MALRD1: variants seen among roughly 807,000 people sequenced by gnomAD.
The protein encoded by MALRD1 is MAM and LDL-receptor class A domain-containing protein 1.
A neutral mutation model predicts 242.1 loss-of-function variants in MALRD1; 247 were observed. The observed-to-expected ratio is 1.02, with a 90% CI of 0.92 to 1.13. MALRD1 has a LOEUF of 1.13. Ranked by LOEUF, MALRD1 falls within the 50% of genes most tolerant of loss-of-function variation. The pLI is 0.00. For missense variants in MALRD1, 2,989 were observed against 2,533.1 expected, an observed-to-expected ratio of 1.18 and a Z score of -3.86; for synonymous variants, 995 against 866.6, an observed-to-expected ratio of 1.15 and a Z score of -2.60.
chr10:19,461,480 C>CAA (rs1835939031), intron 29 of MALRD1, among the ~76,000 whole-genome samples: 1 of 152,036 alleles, frequency 6.6e-6, no homozygotes, highest in Non-Finnish European at 1.5e-5. Flanking sequence ...AAAAGGAGTT[C>CAA]ATGTAAAGGT....
chr10:19,492,376 C>T (rs1489325711), intron 30 of MALRD1, among the ~76,000 whole-genome samples: 2 of 152,116 alleles, frequency 1.3e-5, no homozygotes, highest in Non-Finnish European at 2.9e-5. Context: ...TGGTCTAGGC[C>T]ACTGTTACAT....
At chr10:19,497,216 T>C (rs1224141993) in intron 30 of MALRD1, among the ~76,000 whole-genome samples, 2 of 152,074 alleles carry the variant, frequency 1.3e-5, no homozygotes, top group African/African-American at 2.4e-5. Context: ...CATTGCAAGA[T>C]TCTGAATTTT....
chr10:19,401,317 G>T (rs1200445483), intron 28 of MALRD1, among the ~76,000 whole-genome samples: 1 of 151,808 alleles, frequency 6.6e-6, no homozygotes, highest in Non-Finnish European at 1.5e-5. Flanking sequence ...AACATATTTA[G>T]CTTTAATTTA....
At chr10:19,387,941 G>A (rs1846156022) in intron 27 of MALRD1, among the ~76,000 whole-genome samples, 168 bp downstream of exon 27, 1 of 152,180 alleles carries the variant, frequency 6.6e-6, no homozygotes, top group Admixed American at 6.5e-5. Flanking sequence ...GTAAGAAAGG[G>A]CCACAGAGTG....
intron 8 of MALRD1, among the ~76,000 whole-genome samples, chr10:19,128,932 A>G (rs767724645): frequency 1.3e-5 from 2 of 152,114 alleles, no homozygotes; most frequent in Admixed American, 6.6e-5. Flanking sequence ...TCCAATTAGT[A>G]TAACAGATAA....
rs1836828091 is a variant in MALRD1 at position 19,115,200 on chromosome 10, T to C, written c.695-8292T>C. On this transcript the variant is annotated intron_variant, in intron 5 of 39. Coordinates refer to ENST00000454679, the MANE Select transcript of MALRD1 (RefSeq NM_001142308.3). ...ACCCTGCCTCCCCTGCTTCTTCTCC[T>C]AGAAACCAGAAGAAAGTTTCTTACC... Among the ~76,000 whole-genome samples the C allele has an allele frequency of 2.0e-5, 3 of 152,122 alleles. 1 individual carries two copies. The South Asian group carries it at 6.2e-4, about 31-fold the overall frequency.
intron 18 of MALRD1, among the ~76,000 whole-genome samples, chr10:19,217,633 A>T (rs1013274501): frequency 6.0e-5 from 9 of 151,016 alleles, no homozygotes; most frequent in African/African-American, 2.2e-4. Context: ...CCCAGGTTCA[A>T]CTGATTCTCT....
At chr10:19,301,283 G>C (rs1034121719) in intron 21 of MALRD1, among the ~76,000 whole-genome samples, 4 of 151,910 alleles carry the variant, frequency 2.6e-5, no homozygotes, top group African/African-American at 9.7e-5. Flanking sequence ...CTGTTCAGCT[G>C]TTGTGGAAAG....
Position 19,420,195 on chromosome 10 carries a change from A to G in MALRD1, c.4846-30112A>G, listed in dbSNP as rs183078338. Among the ~76,000 whole-genome samples, 88 of 152,218 alleles carry G rather than the reference A, an allele frequency of 5.8e-4. 1 individual carries two copies. The highest frequency in any genetic ancestry group is 1.9e-3 in the African/African-American group (80 of 41,542). ...GGGTTAGACTGAGCAGGCTAAACTA[A>G]TTATGATTGGCTCATTTAAAGAGAA... On this transcript the variant is annotated intron_variant, in intron 28 of 39. Transcript: ENST00000454679.
chr10:19,438,336 G>C (rs1379806599), intron 28 of MALRD1, among the ~76,000 whole-genome samples: 2 of 151,938 alleles, frequency 1.3e-5, no homozygotes, highest in African/African-American at 2.4e-5. Context: ...GCTTTTTAAG[G>C]CTGAATAATA....
intron 36 of MALRD1, among the ~76,000 whole-genome samples, chr10:19,675,037 AAAG>A (rs778682352): frequency 4.7e-4 from 72 of 152,092 alleles, no homozygotes; most frequent in Non-Finnish European, 8.8e-4. Flanking sequence ...CAAAGAGGGA[AAAG>A]AAGAACACTT....
At chr10:19,195,933 C>T (rs1462027443) in intron 14 of MALRD1, among the ~76,000 whole-genome samples, 2 of 152,086 alleles carry the variant, frequency 1.3e-5, no homozygotes, top group African/African-American at 4.8e-5. Context: ...TGACATCTGT[C>T]TTCCACTTCC....
At chr10:19,217,019 A>G (rs1188186697) in intron 18 of MALRD1, among the ~76,000 whole-genome samples, 1 of 152,158 alleles carries the variant, frequency 6.6e-6, no homozygotes, top group African/African-American at 2.4e-5. Flanking sequence ...GCTCTTATAT[A>G]CACGTTCTTT....
rs931244993 is a variant in MALRD1, at chr10:19,470,095, A to G, written c.5029+19605A>G. ...AACTGAACCTTTGTACCCCTTAAAC[A>G]TTACCTCCACATTTCCCCCTTCCAC... On this transcript the variant is annotated intron_variant, in intron 29 of 39. Transcript: ENST00000454679. Among the ~76,000 whole-genome samples the G allele has an allele frequency of 2.6e-5, 4 of 152,104 alleles. No individual in the cohort carries two copies. In the East Asian group the frequency reaches 5.8e-4, roughly 22 times the overall value.
rs1199821878 is a variant in MALRD1, at chr10:19,387,788, T to G, written c.4687+15T>G. On this transcript the variant is annotated intron_variant, in intron 27 of 39. Transcript: ENST00000454679. ...AAATGAAAATGGTAGGTTATTAGAT[T>G]GTTGTAATTGCTTTCACATGATTTT... 2 of 1,538,222 alleles carry G rather than the reference T, an allele frequency of 1.3e-6. No individual in the cohort carries two copies. Among genetic ancestry groups the G allele is most frequent in the Non-Finnish European group, 1.8e-6 (2 of 1,141,498 alleles).
chr10:19,390,575 T>C (rs1301119916), intron 28 of MALRD1, among the ~76,000 whole-genome samples: 1 of 152,134 alleles, frequency 6.6e-6, no homozygotes, highest in East Asian at 1.9e-4. Flanking sequence ...AAAGGAGATG[T>C]ATATGTGCAC....
chr10:19,314,207 C>T (rs754098643), intron 21 of MALRD1, among the ~76,000 whole-genome samples: 10 of 151,460 alleles, frequency 6.6e-5, no homozygotes, highest in Non-Finnish European at 1.5e-4. Context: ...TACTGGGCAT[C>T]CAGCTATGTA....
At chr10:19,698,352 T>C (rs1589415912) in intron 38 of MALRD1, among the ~76,000 whole-genome samples, 1 of 151,998 alleles carries the variant, frequency 6.6e-6, no homozygotes, top group South Asian at 2.1e-4. Context: ...AAATAAGAGG[T>C]CCAAGTAACA....
chr10:19,158,896 C>T (rs565140697), intron 12 of MALRD1, among the ~76,000 whole-genome samples: 8 of 152,074 alleles, frequency 5.3e-5, no homozygotes, highest in Non-Finnish European at 1.2e-4. Context: ...AGTCAAAGAA[C>T]AATTTAGAAA....
Sources: gnomAD v4.1 joint callset for allele counts (sites outside exome capture counted in the v4.1 genomes callset) on GRCh38, gnomAD v4.1.1 for gene constraint, MANE v1.5 for transcripts, NCBI Gene and HGNC (gene_info 2026-07-23, HGNC 2026-07-21) for gene names.